ZNF277: variants seen among roughly 807,000 people sequenced by gnomAD.
The protein encoded by ZNF277 is zinc finger protein 277, also known as nuclear receptor-interacting factor 4.
In ZNF277, 55 loss-of-function variants were observed where a neutral mutation model predicts 60.7. The observed-to-expected ratio is 0.91, with a 90% CI of 0.73 to 1.13. The LOEUF (loss-of-function observed/expected upper bound fraction) is 1.13, where lower values mean the gene tolerates loss of function less well. Ranked by LOEUF, ZNF277 falls within the 50% of genes most tolerant of loss-of-function variation. The pLI is 0.00. For synonymous variants in ZNF277, 178 were observed against 179.3 expected (o/e 0.99, Z 0.06); for missense variants, 510 against 523.0 (o/e 0.98, Z 0.24).
At chr7:112,292,613 A>T (rs1028209716) in intron 2 of ZNF277, among the ~76,000 whole-genome samples, 1 of 152,056 alleles carries the variant, frequency 6.6e-6, no homozygotes, top group Non-Finnish European at 1.5e-5. Flanking sequence ...TCTTGTACCG[A>T]TTCGTCCCCA....
At chr7:112,265,994 G>A (rs1791541461) in intron 1 of ZNF277, among the ~76,000 whole-genome samples, 2 of 152,158 alleles carry the variant, frequency 1.3e-5, no homozygotes, top group East Asian at 1.9e-4. Flanking sequence ...GAGAGGGAAG[G>A]GTCCAGAAAG....
At chr7:112,280,718 CG>C (rs1354667683) in intron 1 of ZNF277, among the ~76,000 whole-genome samples, 1 of 151,976 alleles carries the variant, frequency 6.6e-6, no homozygotes, top group Non-Finnish European at 1.5e-5. Context: ...TTCTGCTCCC[CG>C]GGTTCAAGCA....
intron 9 of ZNF277, among the ~76,000 whole-genome samples, chr7:112,339,180 A>G (rs1269462377): frequency 6.6e-6 from 1 of 152,270 alleles, no homozygotes; most frequent in Non-Finnish European, 1.5e-5. Flanking sequence ...CCAAATGCAC[A>G]GTACAATAGA....
chr7:112,288,722 C>A, intron 2 of ZNF277: 1 of 158,510 alleles, frequency 6.3e-6, no homozygotes. Context: ...CTTCCTCCCT[C>A]ACCACTCCAT....
At chr7:112,321,143 G>A (rs539237491) in intron 5 of ZNF277, among the ~76,000 whole-genome samples, 3 of 151,244 alleles carry the variant, frequency 2.0e-5, no homozygotes, top group South Asian at 4.2e-4. Flanking sequence ...GGACAGTCTC[G>A]ATCTCCTGAC....
chr7:112,305,077 T>C (rs552081191), intron 4 of ZNF277, among the ~76,000 whole-genome samples: 5 of 152,204 alleles, frequency 3.3e-5, no homozygotes, highest in Admixed American at 2.6e-4. Flanking sequence ...TGCTGTTTGC[T>C]GTGCTTGGAA....
rs73197352 is a variant in ZNF277, at chr7:112,333,484, A to T, written c.802-2620A>T. Among the ~76,000 whole-genome samples, 1,236 of 152,320 alleles carry T rather than the reference A, an allele frequency of 8.1e-3. 14 individuals carry two copies. Among genetic ancestry groups the T allele is most frequent in the Non-Finnish European group, 0.011 (764 of 68,038 alleles). The stretch of plus-strand genomic sequence containing the variant: ...CAGCGTTCGACCTCTCCTATAGCAG[A>T]TATATGCAGTCATTGAGTCATTCAC... On this transcript the variant is annotated intron_variant, in intron 7 of 11. Transcript: ENST00000361822.
At chr7:112,265,511 G>C (rs1350640501) in intron 1 of ZNF277, among the ~76,000 whole-genome samples, 1 of 152,120 alleles carries the variant, frequency 6.6e-6, no homozygotes, top group South Asian at 2.1e-4. Context: ...ATAATAATAC[G>C]AAAAACTTTG....
At chr7:112,327,945 G>T in intron 6 of ZNF277, 118 bp downstream of exon 6, 1 of 708,098 alleles carries the variant, frequency 1.4e-6, no homozygotes. Context: ...CATGTTGGAG[G>T]AGTTCACATT....
chr7:112,327,629 A>T, intron 5 of ZNF277, 88 bp from the exon 6 acceptor site: 1 of 889,646 alleles, frequency 1.1e-6, no homozygotes, highest in Non-Finnish European at 1.8e-6. Flanking sequence ...ACCTCTAATT[A>T]GTGTTTTTAT....
intron 4 of ZNF277, among the ~76,000 whole-genome samples, chr7:112,305,719 G>A (rs1342903107): frequency 1.3e-5 from 2 of 151,998 alleles, no homozygotes; most frequent in East Asian, 1.9e-4. Flanking sequence ...TATTTACTCT[G>A]ATGGAATATA....
In ZNF277 at chr7:112,295,949, C is replaced by G. The variant is rs748077468; in HGVS notation, c.374C>G (p.Ala125Gly). The G allele has an allele frequency of 9.3e-6, 15 of 1,609,492 alleles. No homozygotes were observed. In the Admixed American group the frequency reaches 2.5e-4, roughly 27 times the overall value. ...FCSVIRINST[A>G]PFEEQENYFL... ...AGTGTAATAAGAATTAATTCCACTG[C>G]TCCATTTGGTAAGTGTACATCTTGG... Residue 125 changes from alanine to glycine, a missense_variant, in exon 3 of 12, where the codon GCT (alanine) becomes GGT (glycine). Physicochemically the swap from Ala to Gly is moderately conservative, Grantham distance 60 (BLOSUM62 0). Coordinates refer to ENST00000361822, the MANE Select transcript of ZNF277 (RefSeq NM_021994.3).
rs1563219681 is a variant in ZNF277, at chr7:112,296,908, A to ATTTATT, written c.465+601_465+606dup. ...TTTTATTTTATTTATTTATTTATTT[A>ATTTATT]TTTATTTTTTTTTTTTTTTTTTTTT... On this transcript the variant is annotated intron_variant, in intron 4 of 11. Transcript: ENST00000361822. Among the ~76,000 whole-genome samples the ATTTATT allele has an allele frequency of 2.2e-4, 8 of 37,180 alleles. No homozygotes were observed. The East Asian group carries it at 5.3e-3, about 25-fold the overall frequency. The allele number at this position is 37,180 out of a possible 152,430, so 24.4% of individuals were successfully genotyped here. A position where few individuals can be genotyped will look rare whatever the true frequency, so the allele number is the denominator to read the frequency against.
chr7:112,284,945 A>G (rs1792029009), intron 1 of ZNF277, among the ~76,000 whole-genome samples: 3 of 152,200 alleles, frequency 2.0e-5, no homozygotes, highest in Admixed American at 2.0e-4. Flanking sequence ...ACTGAACATC[A>G]TGCAACATCG....
intron 6 of ZNF277, among the ~76,000 whole-genome samples, chr7:112,328,702 C>G (rs1793157740): frequency 6.6e-6 from 1 of 152,080 alleles, no homozygotes; most frequent in African/African-American, 2.4e-5. Flanking sequence ...GAAACCCCAT[C>G]TCTACTAAAA....
At chr7:112,249,285 A>T (rs896403123) in intron 1 of ZNF277, among the ~76,000 whole-genome samples, 4 of 152,146 alleles carry the variant, frequency 2.6e-5, no homozygotes, top group Admixed American at 2.6e-4. Flanking sequence ...TTGTGTTTTA[A>T]CCAATAAATA....
At position 112,339,719 on chromosome 7, in the gene ZNF277, A is replaced by T. The variant is rs189830649; in HGVS notation, c.967-124A>T. On this transcript the variant is annotated intron_variant, in intron 9 of 11. Transcript: ENST00000361822. The stretch of plus-strand genomic sequence containing the variant: ...GTTAGACTTGGAAGACTTCAAAAGC[A>T]GAAGATACCGAACTCAGACTGAGTT... 3.6e-5 allele frequency: 32 copies of T among 899,098 alleles called. No individual in the cohort carries two copies. In the African/African-American group the frequency reaches 5.2e-4, roughly 15 times the overall value. The allele number at this position is 899,098 out of a possible 1,614,324, so 55.7% of individuals were successfully genotyped here. A position where few individuals can be genotyped will look rare whatever the true frequency, so the allele number is the denominator to read the frequency against.
chr7:112,338,688 T>G (rs1169691196), intron 9 of ZNF277, among the ~76,000 whole-genome samples: 1 of 152,200 alleles, frequency 6.6e-6, no homozygotes, highest in Non-Finnish European at 1.5e-5. Flanking sequence ...TTGATTTTAG[T>G]TTCTCTGAAA....
intron 4 of ZNF277, among the ~76,000 whole-genome samples, chr7:112,312,376 G>A (rs890562065): frequency 2.0e-5 from 3 of 152,020 alleles, no homozygotes; most frequent in Non-Finnish European, 4.4e-5. Flanking sequence ...AGACATTCTT[G>A]GGGTAATTGA....
Sources: gnomAD v4.1 joint callset for allele counts (sites outside exome capture counted in the v4.1 genomes callset) on GRCh38, gnomAD v4.1.1 for gene constraint, MANE v1.5 for transcripts, NCBI Gene and HGNC (gene_info 2026-07-23, HGNC 2026-07-21) for gene names.